The following HCN1 variants were observed in gnomAD, a reference collection of about 807,000 sequenced individuals.
HCN1 encodes the protein potassium/sodium hyperpolarization-activated cyclic nucleotide-gated channel 1.
In HCN1, 13 loss-of-function variants were observed where a neutral mutation model predicts 78.9. The ratio of observed to expected loss-of-function variants is 0.16; its 90% CI spans 0.11 to 0.26. The LOEUF is 0.26. Ranked by LOEUF, HCN1 falls within the 10% of genes least tolerant of loss-of-function variation. The pLI, the probability that HCN1 is intolerant of heterozygous loss-of-function variation, is 1.00. For synonymous variants in HCN1, 552 were observed against 455.5 expected, an observed-to-expected ratio of 1.21 and a Z score of -2.70; for missense variants, 810 against 1,154.3, an observed-to-expected ratio of 0.70 and a Z score of 4.32.
intron 5 of HCN1, among the ~76,000 whole-genome samples, chr5:45,339,057 G>T (rs1401555863): frequency 6.6e-6 from 1 of 152,178 alleles, no homozygotes; most frequent in Non-Finnish European, 1.5e-5. Flanking sequence ...GGTGTTAACT[G>T]GCTGAGCATT....
intron 5 of HCN1, among the ~76,000 whole-genome samples, chr5:45,317,187 C>A (rs1166157814): frequency 1.3e-5 from 2 of 152,090 alleles, no homozygotes; most frequent in Non-Finnish European, 2.9e-5. Context: ...CTACAGTAAC[C>A]AAAACAGCAT....
At chr5:45,345,274 C>T (rs1228123811) in intron 5 of HCN1, among the ~76,000 whole-genome samples, 1 of 152,112 alleles carries the variant, frequency 6.6e-6, no homozygotes, top group Non-Finnish European at 1.5e-5. Flanking sequence ...CTATTTTTTC[C>T]CCCTAGACCT....
intron 3 of HCN1, among the ~76,000 whole-genome samples, chr5:45,411,359 G>GT (rs551445509): frequency 0.024 from 3,483 of 142,910 alleles, 50 homozygotes; most frequent in African/African-American, 0.039. Context: ...TTTAACTTCT[G>GT]TTTTTTTTTT....
Position 45,591,990 on chromosome 5 carries a change from AGATT to A in HCN1, c.849+53191_849+53194del, listed in dbSNP as rs372779199. Reference sequence around the variant, plus strand: ...AAGAGTGTAAAATCTGTGTCTAGATAGATTATTTTTTTTTTTGCCACATGGATGT... The same window carrying A: ...AAGAGTGTAAAATCTGTGTCTAGATAATTTTTTTTTTTGCCACATGGATGT... On this transcript the variant is annotated intron_variant, in intron 2 of 7. Transcript: ENST00000303230. Among the ~76,000 whole-genome samples, 106 of 150,592 alleles carry A rather than the reference AGATT, an allele frequency of 7.0e-4. 1 individual carries two copies. The East Asian group carries it at 7.1e-3, about 10-fold the overall frequency.
chr5:45,359,111 A>G (rs1561122991), intron 4 of HCN1, among the ~76,000 whole-genome samples: 2 of 152,082 alleles, frequency 1.3e-5, no homozygotes, highest in Non-Finnish European at 2.9e-5. Flanking sequence ...ACATGTGCAG[A>G]TAATAAATTT....
intron 5 of HCN1, among the ~76,000 whole-genome samples, chr5:45,326,913 G>A (rs1746245338): frequency 1.3e-5 from 2 of 151,702 alleles, no homozygotes; most frequent in South Asian, 4.1e-4. Flanking sequence ...CATGCAGAAT[G>A]ACAGCAGATA....
At chr5:45,658,751 T>TA (rs1183291831) in intron 1 of HCN1, among the ~76,000 whole-genome samples, 1 of 151,906 alleles carries the variant, frequency 6.6e-6, no homozygotes, top group African/African-American at 2.4e-5. Flanking sequence ...CAGACCGGCT[T>TA]AAAAAACGGC....
At chr5:45,431,717 C>A (rs1188298744) in intron 3 of HCN1, among the ~76,000 whole-genome samples, 1 of 152,064 alleles carries the variant, frequency 6.6e-6, no homozygotes, top group Non-Finnish European at 1.5e-5. Context: ...TTGTTTTTGT[C>A]AACTTTGTCA....
At chr5:45,337,007 C>T (rs1426485934) in intron 5 of HCN1, among the ~76,000 whole-genome samples, 1 of 151,808 alleles carries the variant, frequency 6.6e-6, no homozygotes, top group Non-Finnish European at 1.5e-5. Flanking sequence ...CATAAATACT[C>T]ACCTTAGTAG....
chr5:45,599,108 A>G (rs959537089), intron 2 of HCN1, among the ~76,000 whole-genome samples: 1 of 152,192 alleles, frequency 6.6e-6, no homozygotes, highest in Non-Finnish European at 1.5e-5. Flanking sequence ...ACACATGCAC[A>G]TGTATGTTTA....
chr5:45,329,467 C>A (rs538840224), intron 5 of HCN1, among the ~76,000 whole-genome samples: 1 of 151,474 alleles, frequency 6.6e-6, no homozygotes, highest in East Asian at 1.9e-4. Flanking sequence ...AAGGAAAAGG[C>A]ACAGGAGTCT....
intron 2 of HCN1, among the ~76,000 whole-genome samples, chr5:45,547,853 T>A (rs767555516): frequency 4.6e-5 from 7 of 151,970 alleles, no homozygotes; most frequent in Non-Finnish European, 1.0e-4. Context: ...TTCAGACTGA[T>A]ATTAATCCTT....
intron 3 of HCN1, among the ~76,000 whole-genome samples, chr5:45,433,658 T>G (rs926667846): frequency 6.6e-6 from 1 of 152,186 alleles, no homozygotes; most frequent in Non-Finnish European, 1.5e-5. Flanking sequence ...GCTGATGTAT[T>G]TTTCTCTTCC....
intron 1 of HCN1, among the ~76,000 whole-genome samples, chr5:45,684,129 C>T (rs1325142001): frequency 1.3e-5 from 2 of 152,096 alleles, no homozygotes. Context: ...TTCAAGGAAA[C>T]TACAAATCTT....
intron 1 of HCN1, among the ~76,000 whole-genome samples, chr5:45,659,746 T>G (rs1745883806): frequency 8.9e-6 from 1 of 112,466 alleles, no homozygotes; most frequent in Admixed American, 9.1e-5. Context: ...AGAAGGGAAG[T>G]TTAGAGAAAA....
intron 7 of HCN1, among the ~76,000 whole-genome samples, chr5:45,264,075 G>A (rs1579764362): frequency 6.6e-6 from 1 of 152,212 alleles, no homozygotes; most frequent in Non-Finnish European, 1.5e-5. Flanking sequence ...TTACAGGCGT[G>A]AGCCACCACG....
At chr5:45,459,331 G>A (rs1045910098) in intron 3 of HCN1, among the ~76,000 whole-genome samples, 2 of 149,596 alleles carry the variant, frequency 1.3e-5, no homozygotes, top group Non-Finnish European at 3.0e-5. Context: ...CTACATTCGA[G>A]TTACACATGG....
chr5:45,481,212 C>T (rs1044857351), intron 2 of HCN1, among the ~76,000 whole-genome samples: 1 of 152,194 alleles, frequency 6.6e-6, no homozygotes, highest in Admixed American at 6.5e-5. Flanking sequence ...AAGCCATGCA[C>T]TGGCAGAAGA....
chr5:45,405,733 A>T (rs1396987370), intron 3 of HCN1, among the ~76,000 whole-genome samples: 3 of 152,152 alleles, frequency 2.0e-5, no homozygotes, highest in Non-Finnish European at 4.4e-5. Context: ...TAGTGCTATG[A>T]TCTGCGTAAA....
Sources: allele counts gnomAD v4.1 joint callset (sites outside exome capture counted in the v4.1 genomes callset), GRCh38; gene constraint gnomAD v4.1.1; transcripts MANE v1.5; gene names NCBI Gene and HGNC (gene_info 2026-07-23, HGNC 2026-07-21).